Variants in VPS50 observed in about 807,000 individuals in gnomAD.
VPS50 encodes syndetin.
VPS50 carries 70 observed loss-of-function variants against 139.7 expected under a neutral mutation model. The ratio of observed to expected loss-of-function variants is 0.50; its 90% confidence interval spans 0.41 to 0.61. VPS50 has a LOEUF of 0.61. Among genes scored for constraint, VPS50 ranks in the 20% least tolerant of loss-of-function variants. The pLI, the probability that VPS50 is intolerant of heterozygous loss-of-function variation, is 0.00. For missense variants in VPS50, 921 were observed against 1,133.7 expected (o/e 0.81, Z 2.69); for synonymous variants, 365 against 376.7 (o/e 0.97, Z 0.36).
chr7:93,323,822 CAAAT>C (rs897255262), intron 21 of VPS50, 90 bp downstream of exon 21: 138 of 598,320 alleles, frequency 2.3e-4, no homozygotes, highest in Non-Finnish European at 3.3e-4. Flanking sequence ...AGAAGATACA[CAAAT>C]AACATTATTT....
At chr7:93,350,653 T>C (rs957245032) in intron 25 of VPS50, among the ~76,000 whole-genome samples, 3 of 151,644 alleles carry the variant, frequency 2.0e-5, no homozygotes, top group Non-Finnish European at 4.4e-5. Context: ...AACAGGTAAA[T>C]TGAGATATAA....
chr7:93,281,888 T>C (rs1386752902), intron 12 of VPS50, among the ~76,000 whole-genome samples: 1 of 152,166 alleles, frequency 6.6e-6, no homozygotes, highest in Non-Finnish European at 1.5e-5. Flanking sequence ...TTTTATAACT[T>C]TTTTGCCACT....
At chr7:93,237,321 T>C (rs1263793924) in intron 1 of VPS50, among the ~76,000 whole-genome samples, 1 of 152,142 alleles carries the variant, frequency 6.6e-6, no homozygotes, top group African/African-American at 2.4e-5. Context: ...GATAGATAAG[T>C]TGTTCAAAAC....
chr7:93,356,020 T>C lies in VPS50; in HGVS notation c.2715T>C (p.Thr905=). The C allele has an allele frequency of 6.3e-7, 1 of 1,580,550 alleles. No homozygotes were observed. Among genetic ancestry groups the C allele is most frequent in the South Asian group, 1.1e-5 (1 of 87,370 alleles). ...RPIPDKEFVE[T]YIKAYYLTEN... ...TTCCTGATAAAGAATTTGTAGAAAC[T>C]TATATTAAAGCTTATTACCTAACTG... is the stretch of plus-strand genomic sequence containing the variant. Residue 905 remains threonine, a synonymous_variant, in exon 27 of 28, where the codon ACT becomes ACC. Coordinates refer to ENST00000305866, the MANE Select transcript of VPS50 (RefSeq NM_017667.4).
chr7:93,327,122 A>T (rs567735757), intron 21 of VPS50, among the ~76,000 whole-genome samples: 2 of 152,320 alleles, frequency 1.3e-5, no homozygotes, highest in Admixed American at 6.5e-5. Flanking sequence ...CTTTTGGGCC[A>T]TGCCTCTAGA....
intron 22 of VPS50, among the ~76,000 whole-genome samples, chr7:93,340,079 G>A (rs1194201839): frequency 6.6e-6 from 1 of 152,128 alleles, no homozygotes; most frequent in Non-Finnish European, 1.5e-5. Flanking sequence ...ACAGTGAAGT[G>A]ACCCTGGATT....
At chr7:93,293,287 G>T (rs186264225) in intron 13 of VPS50, among the ~76,000 whole-genome samples, 197 of 152,230 alleles carry the variant, frequency 1.3e-3, no homozygotes, top group Non-Finnish European at 2.1e-3. Flanking sequence ...AGAAACCAAA[G>T]AAAACGTTTG....
chr7:93,241,401 A>G (rs1794986420), intron 2 of VPS50, among the ~76,000 whole-genome samples: 1 of 152,144 alleles, frequency 6.6e-6, no homozygotes, highest in Non-Finnish European at 1.5e-5. Flanking sequence ...TAAATGGTTC[A>G]GGTGAAGAGT....
chr7:93,263,200 C>T (rs941242045), intron 9 of VPS50, among the ~76,000 whole-genome samples: 9 of 151,924 alleles, frequency 5.9e-5, no homozygotes, highest in Non-Finnish European at 1.2e-4. Flanking sequence ...GGAACTTAGC[C>T]GAAGGCAAGA....
chr7:93,256,303 G>C (rs563267812), intron 4 of VPS50: 10 of 343,964 alleles, frequency 2.9e-5, no homozygotes, highest in East Asian at 1.8e-4. Flanking sequence ...TAAGGACCAG[G>C]ACCTGTGCTA....
intron 16 of VPS50, among the ~76,000 whole-genome samples, chr7:93,299,404 T>G (rs903672044): frequency 6.6e-6 from 1 of 152,202 alleles, no homozygotes; most frequent in African/African-American, 2.4e-5. Flanking sequence ...ACATAAATAC[T>G]GAAAAACTGT....
chr7:93,348,146 T>C (rs1798457180), intron 23 of VPS50, among the ~76,000 whole-genome samples: 1 of 152,174 alleles, frequency 6.6e-6, no homozygotes, highest in Admixed American at 6.5e-5. Flanking sequence ...AGACAGTGCC[T>C]GGATGCAGTG....
chr7:93,323,800 C>A, intron 21 of VPS50, 68 bp downstream of exon 21: 1 of 813,386 alleles, frequency 1.2e-6, no homozygotes, highest in South Asian at 2.3e-5. Context: ...CAAAGTTTTT[C>A]ATTCTCTCTA....
chr7:93,305,755 A>G (rs1237922966), intron 17 of VPS50, 73 bp from the exon 18 acceptor site: 4 of 1,031,682 alleles, frequency 3.9e-6, no homozygotes, highest in African/African-American at 1.6e-5. Flanking sequence ...CTACATGTAT[A>G]TTGAGGGATT....
At chr7:93,300,791 A>AG in intron 16 of VPS50, among the ~76,000 whole-genome samples, 1 of 151,788 alleles carries the variant, frequency 6.6e-6, no homozygotes, top group Non-Finnish European at 1.5e-5. Context: ...TTACTAACTG[A>AG]GAAAAATATA....
chr7:93,288,000 C>T (rs1796541617), intron 12 of VPS50, among the ~76,000 whole-genome samples: 1 of 152,078 alleles, frequency 6.6e-6, no homozygotes, highest in African/African-American at 2.4e-5. Flanking sequence ...ACTCACAGTT[C>T]CACATGACTG....
At chr7:93,296,873 G>T (rs1485548281) in intron 15 of VPS50, 37 bp downstream of exon 15, 2 of 1,555,994 alleles carry the variant, frequency 1.3e-6, no homozygotes, top group Non-Finnish European at 1.7e-6. Context: ...TTTAGTTTGA[G>T]TCATTCAACC....
intron 16 of VPS50, among the ~76,000 whole-genome samples, chr7:93,298,055 A>G (rs973109274): frequency 1.3e-5 from 2 of 152,190 alleles, no homozygotes; most frequent in African/African-American, 4.8e-5. Flanking sequence ...ACCTGCTCAC[A>G]GTGATATATG....
intron 2 of VPS50, among the ~76,000 whole-genome samples, 184 bp downstream of exon 2, chr7:93,240,118 T>G (rs1235967275): frequency 6.6e-6 from 1 of 152,080 alleles, no homozygotes; most frequent in Non-Finnish European, 1.5e-5. Context: ...GGATGCAGTA[T>G]GTATGATGCA....
Sources: gnomAD v4.1 joint callset for allele counts (sites outside exome capture counted in the v4.1 genomes callset) on GRCh38, gnomAD v4.1.1 for gene constraint, MANE v1.5 for transcripts, NCBI Gene and HGNC (gene_info 2026-07-23, HGNC 2026-07-21) for gene names.